The following VTI1A variants were observed in gnomAD, a reference collection of about 807,000 sequenced individuals.
VTI1A encodes the protein vesicle transport through interaction with t-SNAREs 1A, also known as vesicle transport through interaction with t-SNAREs homolog 1A.
In VTI1A, 22 loss-of-function variants were observed where a neutral mutation model predicts 34.9. The ratio of observed to expected loss-of-function variants is 0.63; its 90% CI spans 0.45 to 0.90. VTI1A has a LOEUF of 0.90. Among genes scored for constraint, VTI1A ranks in the 40% least tolerant of loss-of-function variants. VTI1A has a pLI of 0.00. For synonymous variants in VTI1A, 87 were observed against 97.3 expected (o/e 0.89, Z 0.62); for missense variants, 268 against 275.6 (o/e 0.97, Z 0.20).
At chr10:112,641,580 C>T (rs1846575898) in intron 5 of VTI1A, among the ~76,000 whole-genome samples, 1 of 152,094 alleles carries the variant, frequency 6.6e-6, no homozygotes, top group Non-Finnish European at 1.5e-5. Flanking sequence ...CTCCCAACAG[C>T]AGTTGGCAAG....
intron 5 of VTI1A, among the ~76,000 whole-genome samples, chr10:112,545,940 G>T (rs564340341): frequency 7.3e-5 from 11 of 151,320 alleles, no homozygotes; most frequent in Non-Finnish European, 1.3e-4. Context: ...TGTGTATTTT[G>T]CATGTATATG....
intron 5 of VTI1A, among the ~76,000 whole-genome samples, chr10:112,610,876 G>A (rs1589971213): frequency 1.3e-5 from 2 of 151,662 alleles, no homozygotes; most frequent in Admixed American, 6.6e-5. Context: ...CTGAGATCGC[G>A]CCACTGCGCT....
At chr10:112,698,021 A>T (rs888758620) in intron 7 of VTI1A, among the ~76,000 whole-genome samples, 3 of 152,052 alleles carry the variant, frequency 2.0e-5, no homozygotes, top group Non-Finnish European at 4.4e-5. Flanking sequence ...AACTAAGCAA[A>T]TCTATTTGCT....
intron 7 of VTI1A, among the ~76,000 whole-genome samples, chr10:112,802,072 A>G (rs1440959015): frequency 6.6e-6 from 1 of 152,044 alleles, no homozygotes; most frequent in East Asian, 1.9e-4. Context: ...ACACAGGGAG[A>G]CCCATCTCTA....
rs1850270327 is a variant in VTI1A, at chr10:112,527,345, A to C, written c.342+181A>C. ...ATGTTTCTTGGAGATCTTACATTTA[A>C]CCCTTTACCTTGTGATCACTGTCTG... On this transcript the variant is annotated intron_variant, in intron 4 of 7. Transcript: ENST00000393077. 3 of 471,504 alleles carry C rather than the reference A, an allele frequency of 6.4e-6. No individual in the cohort carries two copies. The South Asian group carries it at 1.3e-4, about 20-fold the overall frequency. 29.2% of individuals were successfully genotyped at this position (471,504 alleles called of 1,614,324 possible). A position where few individuals can be genotyped will look rare whatever the true frequency, so the allele number is the denominator to read the frequency against.
chr10:112,785,277 T>C (rs1001586930), intron 7 of VTI1A, among the ~76,000 whole-genome samples: 13 of 152,206 alleles, frequency 8.5e-5, no homozygotes, highest in African/African-American at 3.1e-4. Context: ...CAGCCATTCC[T>C]TCAGAATCCT....
rs952056699 is a variant in VTI1A, at chr10:112,529,963, A to T, written c.342+2799A>T. Among the ~76,000 whole-genome samples the T allele has an allele frequency of 3.3e-5, 5 of 152,258 alleles. No homozygotes were observed. The South Asian group carries it at 1.0e-3, about 32-fold the overall frequency. ...AAACCTGACTGTAATACATATAATT[A>T]TAGTCTGCCAATTAACTATAAAGTA... On this transcript the variant is annotated intron_variant, in intron 4 of 7. Coordinates refer to ENST00000393077, the MANE Select transcript of VTI1A (RefSeq NM_145206.4).
At chr10:112,736,840 GAA>G in intron 7 of VTI1A, 1 of 1,056,752 alleles carries the variant, frequency 9.5e-7, no homozygotes, top group Non-Finnish European at 1.4e-6. Context: ...CCTTCTCACT[GAA>G]AGAGCTGCCC....
At chr10:112,606,898 A>C (rs576015382) in intron 5 of VTI1A, among the ~76,000 whole-genome samples, 151 of 152,312 alleles carry the variant, frequency 9.9e-4, no homozygotes, top group Non-Finnish European at 1.5e-3. Context: ...ACGTAGTATT[A>C]AACACCAACT....
chr10:112,591,758 T>A (rs1844400175), intron 5 of VTI1A, among the ~76,000 whole-genome samples: 1 of 152,182 alleles, frequency 6.6e-6, no homozygotes. Context: ...AGGGTCCCCT[T>A]CCAAATATGT....
At chr10:112,550,900 G>A (rs1851324562) in intron 5 of VTI1A, among the ~76,000 whole-genome samples, 1 of 152,122 alleles carries the variant, frequency 6.6e-6, no homozygotes, top group African/African-American at 2.4e-5. Context: ...TTGTAATCAA[G>A]TGTCTAAGGT....
rs184464182 is a variant in VTI1A, at chr10:112,748,184, A to G, written c.561-67106A>G. On this transcript the variant is annotated intron_variant, in intron 7 of 7. Transcript: ENST00000393077. ...GCTGACATGCCCGGCTCAGGGCAAC[A>G]TCACCCACCCAGACAGGTACCTCCC... Among the ~76,000 whole-genome samples the G allele has an allele frequency of 3.9e-5, 6 of 152,236 alleles. No homozygotes were observed. The East Asian group carries it at 1.2e-3, about 29-fold the overall frequency.
intron 3 of VTI1A, among the ~76,000 whole-genome samples, chr10:112,494,366 G>T (rs1305875137): frequency 6.6e-6 from 1 of 151,880 alleles, no homozygotes; most frequent in Non-Finnish European, 1.5e-5. Flanking sequence ...TTATTTATCT[G>T]TTTTCTGTTT....
chr10:112,673,437 C>A (rs1847921380), intron 7 of VTI1A, among the ~76,000 whole-genome samples: 1 of 149,758 alleles, frequency 6.7e-6, no homozygotes, highest in Non-Finnish European at 1.5e-5. Context: ...CCTATATTTG[C>A]CCCCATTCAC....
the VTI1A span, among the ~76,000 whole-genome samples, chr10:112,843,408 G>A: frequency 6.6e-6 from 1 of 152,200 alleles, no homozygotes; most frequent in Non-Finnish European, 1.5e-5. Flanking sequence ...TTTTGAGGCT[G>A]TATATAGGAT....
intron 5 of VTI1A, among the ~76,000 whole-genome samples, chr10:112,601,426 C>CT (rs113977630): frequency 0.39 from 57,943 of 148,094 alleles, 11,577 homozygotes; most frequent in Non-Finnish European, 0.44. Flanking sequence ...CAATTATTTA[C>CT]TTTTTTTTTT....
At chr10:112,834,924 G>A in the VTI1A span, among the ~76,000 whole-genome samples, 7 of 152,194 alleles carry the variant, frequency 4.6e-5, no homozygotes, top group Non-Finnish European at 8.8e-5. Flanking sequence ...AAACTGGAGT[G>A]GCCCTCCCTG....
chr10:112,531,131 A>AC (rs888039981), intron 4 of VTI1A, among the ~76,000 whole-genome samples: 1 of 145,342 alleles, frequency 6.9e-6, no homozygotes, highest in Non-Finnish European at 1.5e-5. Flanking sequence ...GCGCGCATGA[A>AC]CCCTCACATG....
intron 5 of VTI1A, among the ~76,000 whole-genome samples, chr10:112,635,247 G>A (rs1400849955): frequency 4.6e-5 from 7 of 152,228 alleles, no homozygotes; most frequent in African/African-American, 7.2e-5. Context: ...AGATGAGACA[G>A]CGTGCTGAGG....
Sources: gnomAD v4.1 joint callset for allele counts (sites outside exome capture counted in the v4.1 genomes callset) on GRCh38, gnomAD v4.1.1 for gene constraint, MANE v1.5 for transcripts, NCBI Gene and HGNC (gene_info 2026-07-23, HGNC 2026-07-21) for gene names.